CDC42: variants seen among roughly 807,000 people sequenced by gnomAD.
CDC42 encodes the protein cell division control protein 42 homolog.
CDC42 carries 1 observed loss-of-function variant against 20.8 expected under a neutral mutation model. The observed-to-expected ratio is 0.05, with a 90% CI of 0.02 to 0.23. The LOEUF (loss-of-function observed/expected upper bound fraction) is 0.23. Among genes scored for constraint, CDC42 ranks in the 10% least tolerant of loss-of-function variants. The probability of loss-of-function intolerance (pLI) is 1.00; values close to 1 mark genes in which losing one functional copy is unlikely to be tolerated. For missense variants in CDC42, 49 were observed against 227.9 expected (o/e 0.21, Z 5.05); for synonymous variants, 72 against 84.8 (o/e 0.85, Z 0.83).
chr1:22,090,939 C>T (rs1645709728), intron 5 of CDC42: 1 of 274,976 alleles, frequency 3.6e-6, no homozygotes, highest in African/African-American at 2.3e-5. Flanking sequence ...TTCAAAGTGA[C>T]TATCTTTGCA....
chr1:22,085,347 G>T (rs1023690767), intron 3 of CDC42, among the ~76,000 whole-genome samples: 1 of 151,798 alleles, frequency 6.6e-6, no homozygotes, highest in Non-Finnish European at 1.5e-5. Flanking sequence ...GCACTGTTTT[G>T]ATTATTGTAG....
At chr1:22,054,338 C>T (rs1194136478) in intron 1 of CDC42, among the ~76,000 whole-genome samples, 1 of 152,066 alleles carries the variant, frequency 6.6e-6, no homozygotes, top group Admixed American at 6.6e-5. Context: ...ACCTCAGCCT[C>T]CCGAGTAGCT....
At chr1:22,089,816 A>T in intron 5 of CDC42, 2 of 883,364 alleles carry the variant, frequency 2.3e-6, no homozygotes, top group Non-Finnish European at 3.3e-6. Flanking sequence ...CTAGCATTCT[A>T]GCGTTTTTCT....
At chr1:22,077,973 C>G (rs1380878444) in intron 1 of CDC42, among the ~76,000 whole-genome samples, 1 of 152,144 alleles carries the variant, frequency 6.6e-6, no homozygotes, top group African/African-American at 2.4e-5. Context: ...TGGTCAGAGC[C>G]TGAGTAAGGC....
At chr1:22,071,185 A>G (rs1370664978) in intron 1 of CDC42, among the ~76,000 whole-genome samples, 1 of 151,334 alleles carries the variant, frequency 6.6e-6, no homozygotes, top group African/African-American at 2.4e-5. Context: ...CTGGGACTAC[A>G]GGCGCCTGCC....
chr1:22,098,091 A>G lies in CDC42; in HGVS notation c.*6574A>G, dbSNP rs1645768933. ...GTGTGAACTGTGGATCACTTGTCTC[A>G]GTCATCAGGATTCCTGGACCCTGTA... On this transcript the variant is annotated 3_prime_UTR_variant, in exon 6 of 6. Coordinates refer to ENST00000656825, the MANE Select transcript of CDC42 (RefSeq NM_001791.4). 6.6e-6 allele frequency among the ~76,000 whole-genome samples: 1 copy of G among 152,172 alleles called. No homozygotes were observed. The highest frequency in any genetic ancestry group is 1.5e-5 in the Non-Finnish European group (1 of 68,008).
Position 22,094,994 on chromosome 1 carries a change from C to G in CDC42, c.*3477C>G, listed in dbSNP as rs886591074. The stretch of plus-strand genomic sequence containing the variant: ...AGAAACTCGCAAAACAAGGGCCCTG[C>G]TCAAGAAGGATTGAAACTTAGTCCT... On this transcript the variant is annotated 3_prime_UTR_variant, in exon 6 of 6. Coordinates refer to ENST00000656825, the MANE Select transcript of CDC42 (RefSeq NM_001791.4). Among the ~76,000 whole-genome samples, 1 of 152,102 alleles carries G rather than the reference C, an allele frequency of 6.6e-6. No homozygotes were observed. Among genetic ancestry groups the G allele is most frequent in the African/African-American group, 2.4e-5 (1 of 41,402 alleles).
chr1:22,078,813 T>G, intron 2 of CDC42: 1 of 1,427,692 alleles, frequency 7.0e-7, no homozygotes, highest in Non-Finnish European at 9.3e-7. Context: ...GAGGCAAAAC[T>G]CCAGTAGACA....
chr1:22,057,223 T>G (rs1479398495), intron 1 of CDC42, among the ~76,000 whole-genome samples: 1 of 152,122 alleles, frequency 6.6e-6, no homozygotes, highest in African/African-American at 2.4e-5. Flanking sequence ...TATGAAGTGT[T>G]TAGGACTGTT....
chr1:22,095,619 A>G lies in CDC42; in HGVS notation c.*4102A>G, dbSNP rs946286544. Among the ~76,000 whole-genome samples the G allele has an allele frequency of 3.3e-5, 5 of 152,170 alleles. No individual in the cohort carries two copies. Among genetic ancestry groups the G allele is most frequent in the African/African-American group, 1.2e-4 (5 of 41,452 alleles). On this transcript the variant is annotated 3_prime_UTR_variant, in exon 6 of 6. Transcript: ENST00000656825. ...ATGAGTCTTTTTTCAAAGTGCCTCC[A>G]CCTTAAAAAAAATTCCTTATTTTAT...
rs900115597 is a variant in CDC42 at position 22,095,511 on chromosome 1, C to T, written c.*3994C>T. On this transcript the variant is annotated 3_prime_UTR_variant, in exon 6 of 6. Transcript: ENST00000656825. ...GTCTCGATCTCCTGACCTCGTGATC[C>T]GCCCGCCTTGGCCTCCCAAAGTGCT... 2.0e-5 allele frequency among the ~76,000 whole-genome samples: 3 copies of T among 152,208 alleles called. No individual in the cohort carries two copies. The highest frequency in any genetic ancestry group is 2.1e-4 in the South Asian group (1 of 4,822).
chr1:22,096,334 T>C lies in CDC42; in HGVS notation c.*4817T>C, dbSNP rs930378261. ...TAAAGCAATTAAGGCACTGAGGATATACAGAGAGTAAAATAGATGTCTCCT... is the reference window on the plus strand; with the variant it reads ...TAAAGCAATTAAGGCACTGAGGATACACAGAGAGTAAAATAGATGTCTCCT... On this transcript the variant is annotated 3_prime_UTR_variant, in exon 6 of 6. Transcript: ENST00000656825. Among the ~76,000 whole-genome samples the C allele has an allele frequency of 5.9e-5, 9 of 152,184 alleles. No individual in the cohort carries two copies. Among genetic ancestry groups the C allele is most frequent in the South Asian group, 2.1e-4 (1 of 4,834 alleles).
chr1:22,081,647 T>G, intron 2 of CDC42, 75 bp from the exon 3 acceptor site: 25 of 883,684 alleles, frequency 2.8e-5, no homozygotes, highest in Non-Finnish European at 3.2e-5. Context: ...AAACACTGCC[T>G]TAGCTTAAGA....
rs1301555260 is a variant in CDC42 at position 22,096,125 on chromosome 1, A to G, written c.*4608A>G. Reference sequence around the variant, plus strand: ...CAGGTGTCTGCCACTGCGCCCGGCTAATTTTTTGTATTTTTAAGGGAGACT... The same window carrying G: ...CAGGTGTCTGCCACTGCGCCCGGCTGATTTTTTGTATTTTTAAGGGAGACT... On this transcript the variant is annotated 3_prime_UTR_variant, in exon 6 of 6. Coordinates refer to ENST00000656825, the MANE Select transcript of CDC42 (RefSeq NM_001791.4). Among the ~76,000 whole-genome samples the G allele has an allele frequency of 2.0e-5, 3 of 150,894 alleles. No individual in the cohort carries two copies. The highest frequency in any genetic ancestry group is 6.6e-5 in the Admixed American group (1 of 15,134).
chr1:22,090,941 A>C (rs2124052139), intron 5 of CDC42: 1 of 260,914 alleles, frequency 3.8e-6, no homozygotes, highest in Admixed American at 6.4e-5. Context: ...CAAAGTGACT[A>C]TCTTTGCAGC....
At chr1:22,060,460 A>G (rs534721589) in intron 1 of CDC42, among the ~76,000 whole-genome samples, 37 of 152,340 alleles carry the variant, frequency 2.4e-4, no homozygotes, top group African/African-American at 8.4e-4. Flanking sequence ...GTGGAATAAA[A>G]GAATATTATG....
At chr1:22,076,762 G>A (rs777579358) in intron 1 of CDC42, among the ~76,000 whole-genome samples, 2 of 152,108 alleles carry the variant, frequency 1.3e-5, no homozygotes, top group African/African-American at 2.4e-5. Context: ...AATCTTTAAT[G>A]CTGTATTAGT....
At position 22,089,877 on chromosome 1, in the gene CDC42, G is replaced by A. The variant is rs1288179041; in HGVS notation, c.487-1551G>A. The A allele has an allele frequency of 2.2e-5, 33 of 1,516,676 alleles. No individual in the cohort carries two copies. The Middle Eastern group carries it at 5.2e-4, about 24-fold the overall frequency. 94.0% of individuals were successfully genotyped at this position (1,516,676 alleles called of 1,614,324 possible). On this transcript the variant is annotated intron_variant, in intron 5 of 5. Coordinates refer to ENST00000656825, the MANE Select transcript of CDC42 (RefSeq NM_001791.4). The stretch of plus-strand genomic sequence containing the variant: ...AGCTCATTTAATCCGGACTGCTGTT[G>A]TACCTGCTAGTCTTTCTAATCCTCT...
Position 22,095,171 on chromosome 1 carries a change from T to G in CDC42, c.*3654T>G, listed in dbSNP as rs1645747789. ...GAGGGAAGTGGCTTTATGTCACACT[T>G]GTTTTCTGTAAGTCTTACTCTGTAT... On this transcript the variant is annotated 3_prime_UTR_variant, in exon 6 of 6. Transcript: ENST00000656825. Among the ~76,000 whole-genome samples the G allele has an allele frequency of 6.6e-6, 1 of 152,198 alleles. No homozygotes were observed. The highest frequency in any genetic ancestry group is 1.5e-5 in the Non-Finnish European group (1 of 68,044).
Sources: gnomAD v4.1 joint callset for allele counts (sites outside exome capture counted in the v4.1 genomes callset) on GRCh38, gnomAD v4.1.1 for gene constraint, MANE v1.5 for transcripts, NCBI Gene and HGNC (gene_info 2026-07-23, HGNC 2026-07-21) for gene names.